Variants in BPIFB1 observed in about 807,000 individuals in gnomAD.
The protein encoded by BPIFB1 is BPI fold containing family B member 1.
In BPIFB1, 34 loss-of-function variants were observed where a neutral mutation model predicts 55.1. The observed-to-expected ratio is 0.62, with a 90% CI of 0.47 to 0.82. The LOEUF is 0.82. Among genes scored for constraint, BPIFB1 ranks in the 40% least tolerant of loss-of-function variants. The probability of loss-of-function intolerance (pLI) is 0.00; values close to 1 mark genes in which losing one functional copy is unlikely to be tolerated. For synonymous variants in BPIFB1, 236 were observed against 245.3 expected (o/e 0.96, Z 0.35); for missense variants, 532 against 593.1 (o/e 0.90, Z 1.07).
intron 6 of BPIFB1, among the ~76,000 whole-genome samples, chr20:33,293,146 C>T (rs967414056): frequency 1.3e-5 from 2 of 152,234 alleles, no homozygotes; most frequent in Non-Finnish European, 2.9e-5. Flanking sequence ...TGGTCTCAAA[C>T]CCCTGACCTC....
rs1414550632 is a variant in BPIFB1, at chr20:33,286,119, G to T, written c.46G>T (p.Ala16Ser). The part of the protein sequence containing the change: ...TFTLLCGLLA[A>S]TLIQATLSPT... ...CACCCTTCTCTGTGGTTTGCTGGCA[G>T]CCACCTTGATCCAAGCCACCCTCAG... Residue 16 changes from alanine to serine, a missense_variant, in exon 2 of 16, where the codon GCC becomes TCC. Coordinates refer to ENST00000253354, the MANE Select transcript of BPIFB1 (RefSeq NM_033197.3). The T allele has an allele frequency of 3.7e-6, 6 of 1,614,078 alleles. 2 individuals carry two copies. In the South Asian group the frequency reaches 6.6e-5, roughly 18 times the overall value.
At chr20:33,304,145 G>A (rs1053888304) in intron 12 of BPIFB1, 120 bp downstream of exon 12, 17 of 833,644 alleles carry the variant, frequency 2.0e-5, no homozygotes, top group Non-Finnish European at 3.3e-5. Context: ...AGGGTAGGCA[G>A]GGAGGTCCTT....
intron 7 of BPIFB1, chr20:33,298,997 C>G: frequency 2.0e-5 from 4 of 196,914 alleles, no homozygotes; most frequent in Non-Finnish European, 2.9e-5. Context: ...TTTTTGGAGA[C>G]GGACCTTTTT....
intron 3 of BPIFB1, among the ~76,000 whole-genome samples, chr20:33,289,289 G>A (rs1225425803): frequency 6.6e-6 from 1 of 151,556 alleles, no homozygotes; most frequent in Non-Finnish European, 1.5e-5. Context: ...GCTGAGGCAG[G>A]AGAATCGCTT....
At chr20:33,301,494 G>A in intron 9 of BPIFB1, 82 bp downstream of exon 9, 2 of 1,344,238 alleles carry the variant, frequency 1.5e-6, no homozygotes, top group East Asian at 4.7e-5. Context: ...CCCCTAAGCA[G>A]GAATCCTCCA....
chr20:33,303,212 C>G (rs1600669142), intron 11 of BPIFB1, 138 bp downstream of exon 11: 1 of 1,091,884 alleles, frequency 9.2e-7, no homozygotes, highest in East Asian at 2.5e-5. Flanking sequence ...AGCTCTGAAC[C>G]AAGAGCCAGG....
chr20:33,306,609 A>T lies in BPIFB1; in HGVS notation c.1319-302A>T, dbSNP rs1353981705. On this transcript the variant is annotated intron_variant, in intron 14 of 15. Coordinates refer to ENST00000253354, the MANE Select transcript of BPIFB1 (RefSeq NM_033197.3). ...AATTTCTTTATTTTATTAGACTGGA[A>T]AAATCTCAAAGTATAGAAACCTCTG... is the stretch of plus-strand genomic sequence containing the variant. The T allele has an allele frequency of 1.3e-5, 5 of 388,900 alleles. No homozygotes were observed. In the East Asian group the frequency reaches 2.4e-4, roughly 19 times the overall value. 24.1% of individuals were successfully genotyped at this position (388,900 alleles called of 1,614,324 possible). A position where few individuals can be genotyped will look rare whatever the true frequency, so the allele number is the denominator to read the frequency against.
Position 33,288,830 on chromosome 20 carries a change from G to A in BPIFB1, c.205G>A (p.Gly69Ser). The change falls in exon 3 of 16, where the codon GGC becomes AGC. Residue 69 changes from glycine (G) to serine (S), a missense_variant. Coordinates refer to ENST00000253354, the MANE Select transcript of BPIFB1 (RefSeq NM_033197.3). ...LSAMREKPAG[G>S]IPVLGSLVNT... Reference sequence around the variant, plus strand: ...TGCCATGCGGGAAAAGCCAGCCGGAGGCATCCCTGTGCTGGGCAGCCTGGT... The same window carrying A: ...TGCCATGCGGGAAAAGCCAGCCGGAAGCATCCCTGTGCTGGGCAGCCTGGT... 1 of 1,613,988 alleles carries A rather than the reference G, an allele frequency of 6.2e-7. No homozygotes were observed. Among genetic ancestry groups the A allele is most frequent in the Non-Finnish European group, 8.5e-7 (1 of 1,180,028 alleles).
chr20:33,303,869 A>T, intron 11 of BPIFB1, 89 bp from the exon 12 acceptor site: 1 of 1,346,844 alleles, frequency 7.4e-7, no homozygotes, highest in East Asian at 2.3e-5. Flanking sequence ...AGGAACTGAG[A>T]TTCAGACCCC....
At chr20:33,303,737 T>A (rs576963535) in intron 11 of BPIFB1, among the ~76,000 whole-genome samples, 1 of 152,242 alleles carries the variant, frequency 6.6e-6, no homozygotes. Context: ...TCATTATCAT[T>A]CCCCACAGCA....
intron 4 of BPIFB1, among the ~76,000 whole-genome samples, 190 bp downstream of exon 4, chr20:33,290,182 G>C (rs928214371): frequency 1.3e-5 from 2 of 152,106 alleles, no homozygotes; most frequent in Non-Finnish European, 2.9e-5. Flanking sequence ...AAGAGAGAGG[G>C]GGCATGGTAG....
rs2146536287 is a variant in BPIFB1, at chr20:33,305,920, G to A, written c.1255-82G>A. The A allele has an allele frequency of 1.5e-5, 22 of 1,476,230 alleles. No individual in the cohort carries two copies. The South Asian group carries it at 1.6e-4, about 11-fold the overall frequency. The allele number at this position is 1,476,230 out of a possible 1,614,324, so 91.4% of individuals were successfully genotyped here. On this transcript the variant is annotated intron_variant, in intron 13 of 15. Transcript: ENST00000253354. ...CTCCACCAGCCACCTCACCCATGGG[G>A]AGGAGCCACACCCACGAAGAATGAT...
At chr20:33,304,684 G>A (rs1445299960) in intron 12 of BPIFB1, among the ~76,000 whole-genome samples, 162 bp from the exon 13 acceptor site, 1 of 150,938 alleles carries the variant, frequency 6.6e-6, no homozygotes, top group Non-Finnish European at 1.5e-5. Flanking sequence ...CCCCACCCCT[G>A]CCATTAGAAT....
At chr20:33,302,268 T>C in intron 9 of BPIFB1, 91 bp from the exon 10 acceptor site, 1 of 1,383,810 alleles carries the variant, frequency 7.2e-7, no homozygotes, top group Non-Finnish European at 1.0e-6. Context: ...TTTTCTGGGG[T>C]CCTGGGAAAC....
chr20:33,309,692 T>C lies in BPIFB1; in HGVS notation c.1396-16T>C. On this transcript the variant is annotated splice_polypyrimidine_tract_variant and intron_variant, in intron 15 of 15. Transcript: ENST00000253354. This position sits in a 1 kb window ranked among gnomAD's most constrained non-coding sequence, Gnocchi z 4.4. ...TTAAAGAAACCTGTTTTCTGACTTTTCCCCTCCAATTCCAGGATGCCCTTG... is the reference window on the plus strand; with the variant it reads ...TTAAAGAAACCTGTTTTCTGACTTTCCCCCTCCAATTCCAGGATGCCCTTG... 1 of 1,613,614 alleles carries C rather than the reference T, an allele frequency of 6.2e-7. No homozygotes were observed. The highest frequency in any genetic ancestry group is 8.5e-7 in the Non-Finnish European group (1 of 1,179,538).
chr20:33,293,465 C>G (rs7270498), intron 6 of BPIFB1, among the ~76,000 whole-genome samples: 12 of 152,054 alleles, frequency 7.9e-5, no homozygotes, highest in African/African-American at 2.7e-4. Context: ...TAATAATTTA[C>G]GAAAACATTC....
At chr20:33,301,495 G>A in intron 9 of BPIFB1, 83 bp downstream of exon 9, 2 of 1,334,682 alleles carry the variant, frequency 1.5e-6, no homozygotes, top group Non-Finnish European at 2.1e-6. Context: ...CCCTAAGCAG[G>A]AATCCTCCAT....
At chr20:33,304,785 T>A in intron 12 of BPIFB1, 61 bp from the exon 13 acceptor site, 1 of 1,596,270 alleles carries the variant, frequency 6.3e-7, no homozygotes, top group Non-Finnish European at 8.6e-7. Flanking sequence ...CGCTGTTGAA[T>A]GAGTGGATGG....
chr20:33,292,149 C>T (rs1384010904), intron 6 of BPIFB1, among the ~76,000 whole-genome samples, 161 bp downstream of exon 6: 6 of 152,190 alleles, frequency 3.9e-5, no homozygotes, highest in Non-Finnish European at 8.8e-5. Flanking sequence ...GTGGGGTGGG[C>T]CATTGACCCA....
Sources: allele counts gnomAD v4.1 joint callset (sites outside exome capture counted in the v4.1 genomes callset), GRCh38; gene constraint gnomAD v4.1.1; non-coding constraint Gnocchi (gnomAD v3.1); transcripts MANE v1.5; gene names NCBI Gene and HGNC (gene_info 2026-07-23, HGNC 2026-07-21).